SLC9A2: variants seen among roughly 807,000 people sequenced by gnomAD.
The protein encoded by SLC9A2 is sodium/hydrogen exchanger 2.
SLC9A2 carries 42 observed loss-of-function variants against 71.7 expected under a neutral mutation model. That is an observed-to-expected ratio of 0.59 (90% CI 0.46 to 0.76). The LOEUF (loss-of-function observed/expected upper bound fraction) is 0.76, where lower values mean the gene tolerates loss of function less well. SLC9A2 is among the 30% of genes least tolerant of loss of function. The pLI, the probability that SLC9A2 is intolerant of heterozygous loss-of-function variation, is 0.00. For missense variants in SLC9A2, 829 were observed against 1,017.4 expected (o/e 0.81, Z 2.52); for synonymous variants, 396 against 392.5 (o/e 1.01, Z -0.10).
At chr2:102,699,132 A>T (rs776687729) in intron 7 of SLC9A2, among the ~76,000 whole-genome samples, 1 of 152,162 alleles carries the variant, frequency 6.6e-6, no homozygotes, top group South Asian at 2.1e-4. Flanking sequence ...TGGGGGAGGA[A>T]GGTTGTGTGC....
chr2:102,695,329 G>C (rs1307500928), intron 7 of SLC9A2, among the ~76,000 whole-genome samples: 2 of 152,108 alleles, frequency 1.3e-5, no homozygotes, highest in East Asian at 3.8e-4. Context: ...GCCAGAGATA[G>C]GCAATTTAGG....
chr2:102,663,265 A>T (rs748175789), intron 2 of SLC9A2, among the ~76,000 whole-genome samples: 5 of 152,142 alleles, frequency 3.3e-5, no homozygotes, highest in Non-Finnish European at 7.4e-5. Context: ...TGGTGGTAGG[A>T]TGGCAAATGA....
In SLC9A2 at chr2:102,657,825, T is replaced by C. The variant is rs1438926858; in HGVS notation, c.551T>C (p.Ile184Thr). Residue 184 changes from isoleucine to threonine, a missense_variant, in exon 2 of 12, where the codon ATT becomes ACT. Transcript: ENST00000233969. ...GGGACACTTTGGAATTCCATTGGCATTGGGGTGTCTTTGTTTGGTATCTGC... is the reference window on the plus strand; with the variant it reads ...GGGACACTTTGGAATTCCATTGGCACTGGGGTGTCTTTGTTTGGTATCTGC... ...VVGTLWNSIGIGVSLFGICQI... is the reference protein window; with the variant it reads ...VVGTLWNSIGTGVSLFGICQI... 3.7e-6 allele frequency: 6 copies of C among 1,614,100 alleles called. No homozygotes were observed. Among genetic ancestry groups the C allele is most frequent in the African/African-American group, 2.7e-5 (2 of 74,928 alleles).
intron 1 of SLC9A2, among the ~76,000 whole-genome samples, chr2:102,623,115 G>A (rs1048909670): frequency 7.2e-5 from 11 of 152,284 alleles, no homozygotes; most frequent in African/African-American, 2.4e-4. Context: ...CTAGTTGCCA[G>A]TTTCGGCTTT....
At chr2:102,645,724 G>A (rs1676709435) in intron 1 of SLC9A2, among the ~76,000 whole-genome samples, 1 of 151,988 alleles carries the variant, frequency 6.6e-6, no homozygotes, top group Non-Finnish European at 1.5e-5. Flanking sequence ...TCAACTTAAT[G>A]AAATAAAGCC....
At position 102,678,622 on chromosome 2, in the gene SLC9A2, C is replaced by T. The variant is rs1438379643; in HGVS notation, c.1005-4639C>T. The stretch of plus-strand genomic sequence containing the variant: ...CATGTGATGGAGGAAGAAATCTTAT[C>T]TCTTGATAGTGTGGTGGCACTGTGA... On this transcript the variant is annotated intron_variant, in intron 3 of 11. Transcript: ENST00000233969. Among the ~76,000 whole-genome samples the T allele has an allele frequency of 5.3e-5, 8 of 152,292 alleles. No individual in the cohort carries two copies. In the East Asian group the frequency reaches 1.5e-3, roughly 29 times the overall value.
intron 1 of SLC9A2, among the ~76,000 whole-genome samples, chr2:102,657,114 G>A (rs1676956529): frequency 6.6e-6 from 1 of 151,850 alleles, no homozygotes; most frequent in South Asian, 2.1e-4. Context: ...CTGAGGCAGG[G>A]AGAATTGCTT....
chr2:102,632,348 A>G (rs1010190345), intron 1 of SLC9A2, among the ~76,000 whole-genome samples: 7 of 149,324 alleles, frequency 4.7e-5, no homozygotes, highest in African/African-American at 1.8e-4. Context: ...TTTTACAGCA[A>G]AAGAGACTTA....
At chr2:102,632,538 A>C (rs1676396085) in intron 1 of SLC9A2, among the ~76,000 whole-genome samples, 1 of 152,070 alleles carries the variant, frequency 6.6e-6, no homozygotes, top group Non-Finnish European at 1.5e-5. Context: ...ATTGTTTATC[A>C]CTGCACATGG....
chr2:102,635,123 A>G (rs1244952813), intron 1 of SLC9A2, among the ~76,000 whole-genome samples: 2 of 152,234 alleles, frequency 1.3e-5, no homozygotes, highest in African/African-American at 2.4e-5. Context: ...AATTATTGCT[A>G]TTTTAGAAAT....
intron 2 of SLC9A2, among the ~76,000 whole-genome samples, chr2:102,659,595 T>A (rs1181089212): frequency 6.6e-6 from 1 of 152,252 alleles, no homozygotes; most frequent in Non-Finnish European, 1.5e-5. Context: ...GTATAGAAGA[T>A]AATTTATTGA....
intron 3 of SLC9A2, among the ~76,000 whole-genome samples, chr2:102,681,456 C>A (rs541350590): frequency 6.6e-6 from 1 of 152,344 alleles, no homozygotes; most frequent in South Asian, 2.1e-4. Context: ...AATTGAACCT[C>A]TGTCTGCCTT....
chr2:102,689,622 T>C (rs757728933), intron 5 of SLC9A2: 5 of 152,186 alleles, frequency 3.3e-5, no homozygotes, highest in Non-Finnish European at 4.4e-5. Flanking sequence ...CATTATTAGG[T>C]GGGGTTCCAT....
chr2:102,660,488 G>T (rs992626203), intron 2 of SLC9A2, among the ~76,000 whole-genome samples: 2 of 152,222 alleles, frequency 1.3e-5, no homozygotes, highest in South Asian at 4.1e-4. Context: ...CGTTTCTCTC[G>T]CTGAATTGTC....
chr2:102,643,706 T>C (rs188081240), intron 1 of SLC9A2, among the ~76,000 whole-genome samples: 3 of 152,324 alleles, frequency 2.0e-5, no homozygotes, highest in African/African-American at 7.2e-5. Context: ...AAAATGCATC[T>C]ACTCCATCTT....
Position 102,710,155 on chromosome 2 carries a change from T to C in SLC9A2, c.*1666T>C, listed in dbSNP as rs1678077381. 1 of 152,772 alleles carries C rather than the reference T, an allele frequency of 6.5e-6. No homozygotes were observed. The highest frequency in any genetic ancestry group is 1.5e-5 in the Non-Finnish European group (1 of 68,030). The allele number at this position is 152,772 out of a possible 1,614,324, so 9.5% of individuals were successfully genotyped here. A position where few individuals can be genotyped will look rare whatever the true frequency, so the allele number is the denominator to read the frequency against. On this transcript the variant is annotated 3_prime_UTR_variant, in exon 12 of 12. Transcript: ENST00000233969. ...GCACAATTCCTTGATTCAGGGAAAG[T>C]AGCACAGAATGCAATTTGAAAACTA...
chr2:102,670,680 C>G (rs1339204582), intron 3 of SLC9A2, among the ~76,000 whole-genome samples: 1 of 151,098 alleles, frequency 6.6e-6, no homozygotes, highest in Non-Finnish European at 1.5e-5. Context: ...ACGGGAATTT[C>G]CAGAATGATA....
At chr2:102,651,328 G>A (rs534661634) in intron 1 of SLC9A2, among the ~76,000 whole-genome samples, 69 of 152,190 alleles carry the variant, frequency 4.5e-4, no homozygotes, top group African/African-American at 1.6e-3. Flanking sequence ...TCTGTCCCAG[G>A]GCCACAGGCT....
intron 1 of SLC9A2, among the ~76,000 whole-genome samples, chr2:102,632,897 A>T (rs1232002911): frequency 6.6e-6 from 1 of 152,170 alleles, no homozygotes; most frequent in African/African-American, 2.4e-5. Context: ...GGGCAGTGAA[A>T]CAACTCCATA....
Sources: gnomAD v4.1 joint callset for allele counts (sites outside exome capture counted in the v4.1 genomes callset) on GRCh38, gnomAD v4.1.1 for gene constraint, MANE v1.5 for transcripts, NCBI Gene and HGNC (gene_info 2026-07-23, HGNC 2026-07-21) for gene names.